ASIP: variants seen among roughly 807,000 people sequenced by gnomAD.
ASIP encodes the protein agouti-signaling protein.
In ASIP, 11 loss-of-function variants were observed where a neutral mutation model predicts 10.3. The ratio of observed to expected loss-of-function variants is 1.07; its 90% confidence interval spans 0.68 to 1.78. The LOEUF is 1.78. ASIP is among the 40% of genes most tolerant of loss of function. ASIP has a pLI of 0.00. For synonymous variants in ASIP, 70 were observed against 70.8 expected (o/e 0.99, Z 0.06); for missense variants, 180 against 169.2 (o/e 1.06, Z -0.35).
chr20:34,268,016 G>C (rs2035818786), intron 3 of ASIP, among the ~76,000 whole-genome samples: 1 of 152,174 alleles, frequency 6.6e-6, no homozygotes, highest in South Asian at 2.1e-4. Flanking sequence ...CCAATGCTCA[G>C]TTTTGACAAG....
At position 34,261,404 on chromosome 20, in the gene ASIP, C is replaced by T. The variant is rs374343004; in HGVS notation, c.160+870C>T. ...ATCCCAGCACTTTCGTAGGCTGAGG[C>T]GGGCAGATCTCTTGAGCTCAGGTGT... On this transcript the variant is annotated intron_variant, in intron 2 of 3. Transcript: ENST00000374954. Among the ~76,000 whole-genome samples the T allele has an allele frequency of 1.8e-4, 27 of 152,302 alleles. 2 individuals carry two copies. Among genetic ancestry groups the T allele is most frequent in the East Asian group, 1.4e-3 (7 of 5,184 alleles).
rs1214119653 is a variant in ASIP, at chr20:34,266,683, A to G, written c.223-2308A>G. ...GCAAGACTCCATCTCAAAAACAAAC[A>G]AACAAACAAACAAAAAAGGCAGATT... On this transcript the variant is annotated intron_variant, in intron 3 of 3. Transcript: ENST00000374954. 2.0e-5 allele frequency among the ~76,000 whole-genome samples: 3 copies of G among 152,210 alleles called. No individual in the cohort carries two copies. In the South Asian group the frequency reaches 6.2e-4, roughly 31 times the overall value.
At chr20:34,212,953 T>C (rs1333108653) in intron 1 of ASIP, among the ~76,000 whole-genome samples, 1 of 152,228 alleles carries the variant, frequency 6.6e-6, no homozygotes, top group Non-Finnish European at 1.5e-5. Context: ...TTTGAGTGAC[T>C]GTAGGACTTA....
chr20:34,248,051 G>A (rs1469390389), intron 1 of ASIP, among the ~76,000 whole-genome samples: 1 of 152,004 alleles, frequency 6.6e-6, no homozygotes, highest in Non-Finnish European at 1.5e-5. Context: ...ACTAAAAATA[G>A]AAAAATTAGC....
upstream of ASIP, among the ~76,000 whole-genome samples, chr20:34,190,751 A>T (rs1568741529): frequency 6.6e-6 from 1 of 152,234 alleles, no homozygotes; most frequent in East Asian, 1.9e-4. Context: ...TACCAAGTGC[A>T]GAGCTGAGCT....
At chr20:34,267,136 C>A (rs1395056130) in intron 3 of ASIP, among the ~76,000 whole-genome samples, 8 of 152,178 alleles carry the variant, frequency 5.3e-5, no homozygotes, top group African/African-American at 1.9e-4. Flanking sequence ...GGGAACATAG[C>A]AGTGAATAAG....
At chr20:34,233,078 C>T (rs568949876) in intron 1 of ASIP, among the ~76,000 whole-genome samples, 1 of 151,860 alleles carries the variant, frequency 6.6e-6, no homozygotes, top group Admixed American at 6.6e-5. Context: ...CACCTTTTCT[C>T]CAATTCTTCC....
intron 1 of ASIP, among the ~76,000 whole-genome samples, chr20:34,258,949 G>A (rs1274609605): frequency 7.0e-6 from 1 of 142,888 alleles, no homozygotes; most frequent in Non-Finnish European, 1.5e-5. Flanking sequence ...TGGCTGAGTG[G>A]TGGCTCACTT....
chr20:34,197,625 G>C (rs1203613764), intron 1 of ASIP, among the ~76,000 whole-genome samples: 2 of 152,174 alleles, frequency 1.3e-5, no homozygotes, highest in Non-Finnish European at 2.9e-5. Flanking sequence ...ACTTAAAGCA[G>C]ATACCTAGTC....
At chr20:34,268,931 A>T in intron 3 of ASIP, 60 bp from the exon 4 acceptor site, 1 of 1,547,974 alleles carries the variant, frequency 6.5e-7, no homozygotes, top group South Asian at 1.2e-5. Flanking sequence ...TCCCAGGCAG[A>T]GGTGAGGACC....
intron 1 of ASIP, chr20:34,213,353 A>G (rs959473849): frequency 3.7e-6 from 2 of 540,086 alleles, no homozygotes; most frequent in Admixed American, 3.3e-5. Flanking sequence ...TTATAGCAGC[A>G]CAAAACAGTC....
chr20:34,195,927 A>G (rs2034852546), intron 1 of ASIP, among the ~76,000 whole-genome samples: 1 of 152,066 alleles, frequency 6.6e-6, no homozygotes, highest in East Asian at 1.9e-4. Flanking sequence ...GTTGGAAGGC[A>G]GTCTGGGAAA....
At position 34,260,522 on chromosome 20, in the gene ASIP, G is replaced by A. The variant is rs761748449; in HGVS notation, c.148G>A (p.Val50Ile). 10 of 1,612,340 alleles carry A rather than the reference G, an allele frequency of 6.2e-6. No homozygotes were observed. Among genetic ancestry groups the A allele is most frequent in the Non-Finnish European group, 8.5e-6 (10 of 1,178,942 alleles). Residue 50 changes from valine to isoleucine, a missense_variant, in exon 2 of 4, where the codon GTC (valine) becomes ATC (isoleucine). Val to Ile is a conservative substitution (Grantham distance 29). Transcript: ENST00000374954. ...SSVNLLDVPSVSIVALNKKSK... is the reference protein window; with the variant it reads ...SSVNLLDVPSISIVALNKKSK... ...TGTGAACCTACTGGATGTCCCTTCTGTCTCTATTGTGGGTAAGTCACCTAG... is the reference window on the plus strand; with the variant it reads ...TGTGAACCTACTGGATGTCCCTTCTATCTCTATTGTGGGTAAGTCACCTAG...
chr20:34,263,425 C>T (rs1366889107), intron 3 of ASIP, among the ~76,000 whole-genome samples: 2 of 151,842 alleles, frequency 1.3e-5, no homozygotes, highest in Admixed American at 6.6e-5. Context: ...ATTAGCCAGG[C>T]GTGGTGGTGG....
chr20:34,223,244 CAT>C (rs1399642994), intron 1 of ASIP, among the ~76,000 whole-genome samples: 1 of 150,502 alleles, frequency 6.6e-6, no homozygotes, highest in Non-Finnish European at 1.5e-5. Context: ...CCCGGCCGCC[CAT>C]CGTCTGAGAT....
chr20:34,225,073 G>A (rs1193675926), intron 1 of ASIP, among the ~76,000 whole-genome samples: 5 of 125,130 alleles, frequency 4.0e-5, no homozygotes, highest in Admixed American at 8.7e-5. Context: ...ACCGAGTTTC[G>A]CTCTGTCACC....
Position 34,216,037 on chromosome 20 carries a change from G to C in ASIP, c.-11+21277G>C, listed in dbSNP as rs905100642. The C allele has an allele frequency of 7.1e-5, 45 of 633,554 alleles. No homozygotes were observed. The African/African-American group carries it at 7.2e-4, about 10-fold the overall frequency. 39.2% of individuals were successfully genotyped at this position (633,554 alleles called of 1,614,324 possible). A position where few individuals can be genotyped will look rare whatever the true frequency, so the allele number is the denominator to read the frequency against. ...AGCCAGCGGAACGGAGCCGAGCGGC[G>C]CAGCTCGCAGAGAGCTGGGACAGCG... On this transcript the variant is annotated intron_variant, in intron 1 of 3. Coordinates refer to the ASIP transcript ENST00000568305.
At chr20:34,199,241 T>C (rs1448632455) in intron 1 of ASIP, among the ~76,000 whole-genome samples, 1 of 152,174 alleles carries the variant, frequency 6.6e-6, no homozygotes, top group Non-Finnish European at 1.5e-5. Context: ...GATGGACACA[T>C]GGAGTGTTTG....
At chr20:34,239,088 G>A (rs2035248760), upstream of ASIP, among the ~76,000 whole-genome samples, 2 of 152,144 alleles carry the variant, frequency 1.3e-5, no homozygotes, top group Non-Finnish European at 2.9e-5. Context: ...CCTGGGCCAA[G>A]TCTTTCTCTA....
Sources: gnomAD v4.1 joint callset for allele counts (sites outside exome capture counted in the v4.1 genomes callset) on GRCh38, gnomAD v4.1.1 for gene constraint, MANE v1.5 for transcripts, NCBI Gene and HGNC (gene_info 2026-07-23, HGNC 2026-07-21) for gene names.